Variants in FEM1B observed in about 807,000 individuals in gnomAD.
FEM1B encodes the protein protein fem-1 homolog B.
A neutral mutation model predicts 38.6 loss-of-function variants in FEM1B; 10 were observed. The ratio of observed to expected loss-of-function variants is 0.26; its 90% CI spans 0.16 to 0.44. The LOEUF is 0.44. Ranked by LOEUF, FEM1B falls within the 20% of genes least tolerant of loss-of-function variation. FEM1B has a pLI of 1.00. For missense variants in FEM1B, 471 were observed against 786.7 expected, an observed-to-expected ratio of 0.60 and a Z score of 4.80; for synonymous variants, 288 against 288.0, an observed-to-expected ratio of 1.00 and a Z score of 0.00.
chr15:68,290,056 A>T lies in FEM1B; in HGVS notation c.698A>T (p.Asp233Val). ...GTAGCTGCCGAAAGCTGTAAAGCTG[A>T]TGTCGTAGAACTGTTACTCTCTCAT... is the stretch of plus-strand genomic sequence containing the variant. ...LKVAAESCKA[D>V]VVELLLSHAD... is the part of the protein sequence containing the mutation. The change falls in exon 2 of 2, where the codon GAT becomes GTT. Residue 233 changes from aspartate to valine, a missense_variant. Around this residue, in one of 3 missense-constraint regions of FEM1B, gnomAD observed 380 missense variants for 599.6 expected, o/e 0.63. Transcript: ENST00000306917. This position sits in a 1 kb window ranked among gnomAD's most constrained non-coding sequence, Gnocchi z 9.7. The T allele has an allele frequency of 6.2e-7, 1 of 1,614,254 alleles. No individual in the cohort carries two copies.
Position 68,291,263 on chromosome 15 carries a change from G to GAC in FEM1B, c.*21_*22insAC. The stretch of plus-strand genomic sequence containing the variant: ...ATTAAGTGACTGGATATGTAAAGTC[G>GAC]TTTAATGTGGTGCTAAAAAGTAAAG... On this transcript the variant is annotated 3_prime_UTR_variant, in exon 2 of 2. Coordinates refer to ENST00000306917, the MANE Select transcript of FEM1B (RefSeq NM_015322.5). The surrounding 1 kb of genome is among the most constrained non-coding windows in gnomAD (Gnocchi z 6.9). 6.6e-7 allele frequency: 1 copy of GAC among 1,520,844 alleles called. No homozygotes were observed. 94.2% of individuals were successfully genotyped at this position (1,520,844 alleles called of 1,614,324 possible).
rs1595841822 is a variant in FEM1B at position 68,290,633 on chromosome 15, G to A, written c.1275G>A (p.Val425=). 1.1e-5 allele frequency: 18 copies of A among 1,614,118 alleles called. No individual in the cohort carries two copies. The East Asian group carries it at 4.0e-4, about 36-fold the overall frequency. Residue 425 remains valine, a synonymous_variant, in exon 2 of 2, where the codon GTG becomes GTA. Coordinates refer to ENST00000306917, the MANE Select transcript of FEM1B (RefSeq NM_015322.5). This position sits in a 1 kb window ranked among gnomAD's most constrained non-coding sequence, Gnocchi z 9.7. ...VLEIEQSMNR[V]KNISDADVHN... Reference sequence around the variant, plus strand: ...AAATAGAACAAAGTATGAACAGAGTGAAAAATATTTCAGATGCTGATGTCC... The same window carrying A: ...AAATAGAACAAAGTATGAACAGAGTAAAAAATATTTCAGATGCTGATGTCC...
Position 68,294,654 on chromosome 15 carries a change from G to T in FEM1B, c.*3412G>T, listed in dbSNP as rs550020994. The T allele has an allele frequency of 3.3e-5, 5 of 152,028 alleles. No individual in the cohort carries two copies. The South Asian group carries it at 1.0e-3, about 32-fold the overall frequency. The allele number at this position is 152,028 out of a possible 1,614,324, so 9.4% of individuals were successfully genotyped here. ...TGCCAGACCTTTGATTAGTTTGCTG[G>T]TTTAGAAACAGCCAGTGGCTGAATT... On this transcript the variant is annotated 3_prime_UTR_variant, in exon 2 of 2. Transcript: ENST00000306917. The surrounding 1 kb of genome is among the most constrained non-coding windows in gnomAD (Gnocchi z 4.4).
chr15:68,283,081 T>C (rs1408359201), intron 1 of FEM1B, among the ~76,000 whole-genome samples: 1 of 152,172 alleles, frequency 6.6e-6, no homozygotes, highest in African/African-American at 2.4e-5. Flanking sequence ...ATGGAAATTA[T>C]TAGACTATAC....
intron 1 of FEM1B, among the ~76,000 whole-genome samples, chr15:68,279,579 G>A (rs973788954): frequency 3.3e-5 from 5 of 151,926 alleles, no homozygotes; most frequent in African/African-American, 1.2e-4. Context: ...AGCTATTTTA[G>A]CATTTTTTTT....
rs769109903 is a variant in FEM1B at position 68,290,310 on chromosome 15, C to G, written c.952C>G (p.Arg318Gly). 6.2e-7 allele frequency: 1 copy of G among 1,614,028 alleles called. No individual in the cohort carries two copies. Among genetic ancestry groups the G allele is most frequent in the Non-Finnish European group, 8.5e-7 (1 of 1,179,970 alleles). ...AAATCCTCAGGAACTGGAGTCCATT[C>G]GGCAAGACAGAGATGCTCTTCATAT... ...CRNPQELESI[R>G]QDRDALHMEG... The change falls in exon 2 of 2, where the codon CGG becomes GGG. Residue 318 changes from arginine to glycine, a missense_variant. By Grantham distance (125) the Arg-to-Gly change is moderately radical (BLOSUM62 -2). This residue lies in a region of FEM1B where 380 missense variants were observed against 599.6 expected (regional missense o/e 0.63). Coordinates refer to ENST00000306917, the MANE Select transcript of FEM1B (RefSeq NM_015322.5). This position sits in a 1 kb window ranked among gnomAD's most constrained non-coding sequence, Gnocchi z 9.7.
chr15:68,290,273 A>C lies in FEM1B; in HGVS notation c.915A>C (p.Arg305Ser), dbSNP rs748786453. The C allele has an allele frequency of 1.5e-5, 24 of 1,614,124 alleles. No individual in the cohort carries two copies. Among genetic ancestry groups the C allele is most frequent in the Non-Finnish European group, 2.0e-5 (24 of 1,180,028 alleles). The change falls in exon 2 of 2, where the codon AGA (arginine) becomes AGC (serine). Residue 305 changes from arginine to serine, a missense_variant. Arg to Ser is a moderately radical substitution (Grantham distance 110, BLOSUM62 -1). Coordinates refer to ENST00000306917, the MANE Select transcript of FEM1B (RefSeq NM_015322.5). This position sits in a 1 kb window ranked among gnomAD's most constrained non-coding sequence, Gnocchi z 9.7. ...CACCAATCCATGCTTATGGGAATAG[A>C]ACTGAATGTAGAAATCCTCAGGAAC... ...VLPPIHAYGNRTECRNPQELE... is the reference protein window; with the variant it reads ...VLPPIHAYGNSTECRNPQELE...
chr15:68,283,927 C>T (rs867391337), intron 1 of FEM1B, among the ~76,000 whole-genome samples: 5 of 149,974 alleles, frequency 3.3e-5, no homozygotes, highest in East Asian at 1.9e-4. Flanking sequence ...CTCTTGTTGC[C>T]GAGGCTAAAG....
chr15:68,290,172 A>G lies in FEM1B; in HGVS notation c.814A>G (p.Thr272Ala). 6.2e-7 allele frequency: 1 copy of G among 1,614,040 alleles called. No homozygotes were observed. Among genetic ancestry groups the G allele is most frequent in the Non-Finnish European group, 8.5e-7 (1 of 1,179,988 alleles). ...CCGTGAGAACTATGACATCATAAAGACATACCACTATCTATATTTAGCCAT... is the reference window on the plus strand; with the variant it reads ...CCGTGAGAACTATGACATCATAAAGGCATACCACTATCTATATTTAGCCAT... ...NDRENYDIIKTYHYLYLAMLE... is the reference protein window; with the variant it reads ...NDRENYDIIKAYHYLYLAMLE... The change falls in exon 2 of 2, where the codon ACA becomes GCA. Residue 272 changes from threonine to alanine, a missense_variant. Around this residue, in one of 3 missense-constraint regions of FEM1B, gnomAD observed 380 missense variants for 599.6 expected, o/e 0.63. Coordinates refer to ENST00000306917, the MANE Select transcript of FEM1B (RefSeq NM_015322.5). The surrounding 1 kb of genome is among the most constrained non-coding windows in gnomAD (Gnocchi z 9.7).
rs1238282132 is a variant in FEM1B at position 68,280,747 on chromosome 15, A to G, written c.248+2082A>G. 4.6e-5 allele frequency among the ~76,000 whole-genome samples: 7 copies of G among 152,218 alleles called. No individual in the cohort carries two copies. Among genetic ancestry groups the G allele is most frequent in the Admixed American group, 4.6e-4 (7 of 15,284 alleles). On this transcript the variant is annotated intron_variant, in intron 1 of 1. Coordinates refer to ENST00000306917, the MANE Select transcript of FEM1B (RefSeq NM_015322.5). The surrounding 1 kb of genome is among the most constrained non-coding windows in gnomAD (Gnocchi z 4.2). ...TTTGGTGATCCCTGTATAAAGTACT[A>G]AGAGTAAGACTGGTTAAACTGCAAT...
At position 68,289,428 on chromosome 15, in the gene FEM1B, T is replaced by G; in HGVS notation, c.249-179T>G. 3.4e-6 allele frequency: 2 copies of G among 593,910 alleles called. No homozygotes were observed. The highest frequency in any genetic ancestry group is 6.0e-6 in the Non-Finnish European group (2 of 334,612). 36.8% of individuals were successfully genotyped at this position (593,910 alleles called of 1,614,324 possible). A position where few individuals can be genotyped will look rare whatever the true frequency, so the allele number is the denominator to read the frequency against. On this transcript the variant is annotated intron_variant, in intron 1 of 1. Transcript: ENST00000306917. The surrounding 1 kb of genome is among the most constrained non-coding windows in gnomAD (Gnocchi z 6.9). ...AGCTAGCATATATTGAGCTTTATAT[T>G]AGGTACAAGTACTATGCAAAGTGCT...
rs745611308 is a variant in FEM1B, at chr15:68,287,049, C to T, written c.249-2558C>T. ...ATTACAAGCATGTGCCACCACCACT[C>T]CTGGCTAATTTTTGTATTATTGGTA... On this transcript the variant is annotated intron_variant, in intron 1 of 1. Transcript: ENST00000306917. 4.9e-4 allele frequency among the ~76,000 whole-genome samples: 75 copies of T among 152,222 alleles called. 1 individual carries two copies. The Middle Eastern group carries it at 0.01, about 21-fold the overall frequency.
intron 1 of FEM1B, among the ~76,000 whole-genome samples, chr15:68,286,795 CATAACA>C (rs1008231287): frequency 1.8e-4 from 14 of 79,650 alleles, no homozygotes; most frequent in African/African-American, 5.1e-4. Flanking sequence ...ACAATAAAAA[CATAACA>C]AAAAAATAAC....
rs764272821 is a variant in FEM1B at position 68,290,055 on chromosome 15, G to T, written c.697G>T (p.Asp233Tyr). The T allele has an allele frequency of 6.2e-7, 1 of 1,614,250 alleles. No homozygotes were observed. The highest frequency in any genetic ancestry group is 1.1e-5 in the South Asian group (1 of 91,088). Residue 233 changes from aspartate (D) to tyrosine (Y), a missense_variant, in exon 2 of 2, where the codon GAT (aspartate) becomes TAT (tyrosine). By Grantham distance (160) the Asp-to-Tyr change is radical. Transcript: ENST00000306917. This position sits in a 1 kb window ranked among gnomAD's most constrained non-coding sequence, Gnocchi z 9.7. ...AGTAGCTGCCGAAAGCTGTAAAGCTGATGTCGTAGAACTGTTACTCTCTCA... is the reference window on the plus strand; with the variant it reads ...AGTAGCTGCCGAAAGCTGTAAAGCTTATGTCGTAGAACTGTTACTCTCTCA... ...LKVAAESCKADVVELLLSHAD... is the reference protein window; with the variant it reads ...LKVAAESCKAYVVELLLSHAD...
At position 68,278,703 on chromosome 15, in the gene FEM1B, C is replaced by T; in HGVS notation, c.248+38C>T. 6.2e-7 allele frequency: 1 copy of T among 1,609,506 alleles called. No homozygotes were observed. Among genetic ancestry groups the T allele is most frequent in the South Asian group, 1.1e-5 (1 of 90,966 alleles). ...CAAGCCAGCCTCTCTCCGACGCGCG[C>T]GGACTCGTTAATTCACGGGCCCTCC... On this transcript the variant is annotated intron_variant, in intron 1 of 1. Coordinates refer to ENST00000306917, the MANE Select transcript of FEM1B (RefSeq NM_015322.5). The surrounding 1 kb of genome is among the most constrained non-coding windows in gnomAD (Gnocchi z 5.7).
In FEM1B at chr15:68,278,744, C is replaced by T; in HGVS notation, c.248+79C>T. 2 of 1,531,248 alleles carry T rather than the reference C, an allele frequency of 1.3e-6. No individual in the cohort carries two copies. The highest frequency in any genetic ancestry group is 1.2e-5 in the South Asian group (1 of 85,868). The allele number at this position is 1,531,248 out of a possible 1,614,324, so 94.9% of individuals were successfully genotyped here. A position where few individuals can be genotyped will look rare whatever the true frequency, so the allele number is the denominator to read the frequency against. The stretch of plus-strand genomic sequence containing the variant: ...CGGGCCCTCCCCTCCCTCACCCTCT[C>T]TTACCCTCTCTTCATGTAGGTACTC... On this transcript the variant is annotated intron_variant, in intron 1 of 1. Coordinates refer to ENST00000306917, the MANE Select transcript of FEM1B (RefSeq NM_015322.5). This position sits in a 1 kb window ranked among gnomAD's most constrained non-coding sequence, Gnocchi z 5.7.
At position 68,278,788 on chromosome 15, in the gene FEM1B, C is replaced by T. The variant is rs1199581022; in HGVS notation, c.248+123C>T. 2.7e-5 allele frequency: 29 copies of T among 1,087,672 alleles called. No individual in the cohort carries two copies. In the East Asian group the frequency reaches 7.1e-4, roughly 27 times the overall value. 67.4% of individuals were successfully genotyped at this position (1,087,672 alleles called of 1,614,324 possible). A position where few individuals can be genotyped will look rare whatever the true frequency, so the allele number is the denominator to read the frequency against. ...GGTACTCACTTCTCCCCTTTTTGTA[C>T]CACCTCCTGCCCCACTAATGCCCAC... On this transcript the variant is annotated intron_variant, in intron 1 of 1. Coordinates refer to ENST00000306917, the MANE Select transcript of FEM1B (RefSeq NM_015322.5). This position sits in a 1 kb window ranked among gnomAD's most constrained non-coding sequence, Gnocchi z 5.7.
chr15:68,283,089 T>C (rs1013728475), intron 1 of FEM1B, among the ~76,000 whole-genome samples: 6 of 152,180 alleles, frequency 3.9e-5, no homozygotes, highest in Non-Finnish European at 7.3e-5. Flanking sequence ...TATTAGACTA[T>C]ACCAGGAAAA....
At chr15:68,282,112 A>G (rs55700060) in intron 1 of FEM1B, among the ~76,000 whole-genome samples, 50,605 of 151,990 alleles carry the variant, frequency 0.33, 9,078 homozygotes, top group African/African-American at 0.42. Flanking sequence ...GAGGTGTCAT[A>G]TGACCATGAA....
Sources: gnomAD v4.1 joint callset for allele counts (sites outside exome capture counted in the v4.1 genomes callset) on GRCh38, gnomAD v4.1.1 for gene constraint, gnomAD v4.1.1 regional missense constraint, Gnocchi (gnomAD v3.1) non-coding constraint, MANE v1.5 for transcripts, NCBI Gene and HGNC (gene_info 2026-07-23, HGNC 2026-07-21) for gene names.